Variants in KCNK12 observed in about 807,000 individuals in gnomAD.
KCNK12 encodes the protein potassium channel subfamily K member 12.
In KCNK12, 6 loss-of-function variants were observed where a neutral mutation model predicts 25.3. The ratio of observed to expected loss-of-function variants is 0.24; its 90% CI spans 0.13 to 0.47. The LOEUF (loss-of-function observed/expected upper bound fraction) is 0.47, where lower values mean the gene tolerates loss of function less well. Ranked by LOEUF, KCNK12 falls within the 20% of genes least tolerant of loss-of-function variation. The pLI, the probability that KCNK12 is intolerant of heterozygous loss-of-function variation, is 0.99. For synonymous variants in KCNK12, 331 were observed against 311.1 expected, an observed-to-expected ratio of 1.06 and a Z score of -0.67; for missense variants, 444 against 661.7, an observed-to-expected ratio of 0.67 and a Z score of 3.61.
intron 1 of KCNK12, among the ~76,000 whole-genome samples, chr2:47,527,372 C>T (rs929224200): frequency 1.1e-4 from 17 of 152,212 alleles, no homozygotes; most frequent in African/African-American, 4.1e-4. Context: ...GACTCATAAC[C>T]TCCCCGTGGC....
At position 47,551,725 on chromosome 2, in the gene KCNK12, TA is replaced by T. The variant is rs1669437063; in HGVS notation, c.391+18215del. ...CTCCAGTTCTAGACTCGTTGACACA[TA>T]AAAATATTTTGGTGCTAGTCCTGGG... On this transcript the variant is annotated intron_variant, in intron 1 of 1. Coordinates refer to ENST00000327876, the MANE Select transcript of KCNK12 (RefSeq NM_022055.2). The surrounding 1 kb of genome is among the most constrained non-coding windows in gnomAD (Gnocchi z 5.3). 6.6e-6 allele frequency among the ~76,000 whole-genome samples: 1 copy of T among 152,216 alleles called. No homozygotes were observed. The highest frequency in any genetic ancestry group is 2.1e-4 in the South Asian group (1 of 4,834).
chr2:47,526,510 A>C (rs1227784586), intron 1 of KCNK12, among the ~76,000 whole-genome samples: 2 of 152,000 alleles, frequency 1.3e-5, no homozygotes, highest in Non-Finnish European at 2.9e-5. Flanking sequence ...AGGTGGGTGC[A>C]TCACTTGAGG....
rs1669796735 is a variant in KCNK12, at chr2:47,566,893, T to A, written c.391+3048A>T. The stretch of plus-strand genomic sequence containing the variant: ...CCCCTAACCCTGTGCCACATGAGAT[T>A]GGACCAAAAAGGTCCCCTTCTTGTT... On this transcript the variant is annotated intron_variant, in intron 1 of 1. Coordinates refer to ENST00000327876, the MANE Select transcript of KCNK12 (RefSeq NM_022055.2). The surrounding 1 kb of genome is among the most constrained non-coding windows in gnomAD (Gnocchi z 4.1). 1 of 152,208 alleles carries A rather than the reference T, an allele frequency of 6.6e-6. No homozygotes were observed. Among genetic ancestry groups the A allele is most frequent in the African/African-American group, 2.4e-5 (1 of 41,448 alleles). The allele number at this position is 152,208 out of a possible 1,614,324, so 9.4% of individuals were successfully genotyped here.
intron 1 of KCNK12, among the ~76,000 whole-genome samples, chr2:47,568,364 T>G (rs1397438317): frequency 6.6e-6 from 1 of 152,194 alleles, no homozygotes; most frequent in Admixed American, 6.5e-5. Context: ...AAAGGGGATT[T>G]TTTTTGAGGG....
In KCNK12 at chr2:47,525,146, G is replaced by A. The variant is rs1668741665; in HGVS notation, c.392-3338C>T. Among the ~76,000 whole-genome samples the A allele has an allele frequency of 6.6e-6, 1 of 152,188 alleles. No homozygotes were observed. ...GAGAAGTTCCAGACACATCCATGCT[G>A]GACTTAATAAAACAGCAAAACAGGT... On this transcript the variant is annotated intron_variant, in intron 1 of 1. Coordinates refer to ENST00000327876, the MANE Select transcript of KCNK12 (RefSeq NM_022055.2). The surrounding 1 kb of genome is among the most constrained non-coding windows in gnomAD (Gnocchi z 4.1).
chr2:47,530,977 G>A (rs1668911300), intron 1 of KCNK12, among the ~76,000 whole-genome samples: 1 of 152,310 alleles, frequency 6.6e-6, no homozygotes, highest in African/African-American at 2.4e-5. Flanking sequence ...ACAAGAGTTT[G>A]GAAGAAGGAG....
At chr2:47,553,711 G>GC (rs1336216589) in intron 1 of KCNK12, among the ~76,000 whole-genome samples, 1 of 152,128 alleles carries the variant, frequency 6.6e-6, no homozygotes, top group South Asian at 2.1e-4. Flanking sequence ...GTTTCCTGTT[G>GC]CCCCCATACC....
rs1192475555 is a variant in KCNK12 at position 47,511,991 on chromosome 2, A to G, written c.*8916T>C. ...GGACTGTGCAGTTCTGGAGAATGGT[A>G]CTTTACTTGTCCTTGGGGAAGCAGA... On this transcript the variant is annotated 3_prime_UTR_variant, in exon 2 of 2. Transcript: ENST00000327876. This position sits in a 1 kb window ranked among gnomAD's most constrained non-coding sequence, Gnocchi z 4.3. Among the ~76,000 whole-genome samples, 1 of 152,168 alleles carries G rather than the reference A, an allele frequency of 6.6e-6. No individual in the cohort carries two copies.
intron 1 of KCNK12, among the ~76,000 whole-genome samples, chr2:47,553,871 A>C (rs1669493565): frequency 6.6e-6 from 1 of 152,340 alleles, no homozygotes; most frequent in African/African-American, 2.4e-5. Flanking sequence ...CCTACCCTGC[A>C]ACCTGAGAGG....
At chr2:47,563,204 C>T (rs1187513621) in intron 1 of KCNK12, 2 of 233,472 alleles carry the variant, frequency 8.6e-6, no homozygotes, top group Non-Finnish European at 1.7e-5. Flanking sequence ...TCACAAGTCA[C>T]TCAGCCTGCC....
chr2:47,525,322 G>A lies in KCNK12; in HGVS notation c.392-3514C>T, dbSNP rs982229808. Among the ~76,000 whole-genome samples the A allele has an allele frequency of 6.6e-6, 1 of 152,182 alleles. No homozygotes were observed. Among genetic ancestry groups the A allele is most frequent in the Non-Finnish European group, 1.5e-5 (1 of 68,032 alleles). The stretch of plus-strand genomic sequence containing the variant: ...TTCTTTCACTCACCCCCAGGCCAGG[G>A]GATGGTTGGAGCAGGGAAGGTCAAG... On this transcript the variant is annotated intron_variant, in intron 1 of 1. Coordinates refer to ENST00000327876, the MANE Select transcript of KCNK12 (RefSeq NM_022055.2). The surrounding 1 kb of genome is among the most constrained non-coding windows in gnomAD (Gnocchi z 4.1).
In KCNK12 at chr2:47,569,019, T is replaced by G. The variant is rs1572615309; in HGVS notation, c.391+922A>C. 6.8e-6 allele frequency among the ~76,000 whole-genome samples: 1 copy of G among 146,046 alleles called. No homozygotes were observed. The highest frequency in any genetic ancestry group is 2.6e-5 in the African/African-American group (1 of 38,932). ...AGAGGAAGAAAGAGGAATGAAGGGG[T>G]GGATGGAGAGCAGGGGTGGCTCCAG... On this transcript the variant is annotated intron_variant, in intron 1 of 1. Transcript: ENST00000327876. The surrounding 1 kb of genome is among the most constrained non-coding windows in gnomAD (Gnocchi z 4.1).
At chr2:47,530,874 A>G (rs1386332767) in intron 1 of KCNK12, among the ~76,000 whole-genome samples, 1 of 152,252 alleles carries the variant, frequency 6.6e-6, no homozygotes, top group Non-Finnish European at 1.5e-5. Flanking sequence ...AAGACATTGA[A>G]GTTCAGTAAC....
chr2:47,526,648 G>A (rs1368239825), intron 1 of KCNK12, among the ~76,000 whole-genome samples: 4 of 151,632 alleles, frequency 2.6e-5, no homozygotes, highest in African/African-American at 4.8e-5. Flanking sequence ...CAGGAGAATC[G>A]CTTGAATCCG....
rs543093869 is a variant in KCNK12 at position 47,556,220 on chromosome 2, G to T, written c.391+13721C>A. Among the ~76,000 whole-genome samples the T allele has an allele frequency of 9.8e-5, 15 of 152,318 alleles. No individual in the cohort carries two copies. The highest frequency in any genetic ancestry group is 3.1e-4 in the African/African-American group (13 of 41,548). ...TATAAATTAACAATGCATGGGGAGTGGGTAATGACAGGAACTAAGCCCTGG... is the reference window on the plus strand; with the variant it reads ...TATAAATTAACAATGCATGGGGAGTTGGTAATGACAGGAACTAAGCCCTGG... On this transcript the variant is annotated intron_variant, in intron 1 of 1. Coordinates refer to ENST00000327876, the MANE Select transcript of KCNK12 (RefSeq NM_022055.2). The surrounding 1 kb of genome is among the most constrained non-coding windows in gnomAD (Gnocchi z 4.8).
Position 47,520,564 on chromosome 2 carries a change from C to T in KCNK12, c.*343G>A, listed in dbSNP as rs1247449667. On this transcript the variant is annotated 3_prime_UTR_variant, in exon 2 of 2. Coordinates refer to ENST00000327876, the MANE Select transcript of KCNK12 (RefSeq NM_022055.2). The surrounding 1 kb of genome is among the most constrained non-coding windows in gnomAD (Gnocchi z 5.0). The stretch of plus-strand genomic sequence containing the variant: ...GCACCATATGCTTTGGGGTTGCCGG[C>T]TGCTTCTGTGCATGGGGACGGGGTT... 1.4e-5 allele frequency: 3 copies of T among 221,466 alleles called. No individual in the cohort carries two copies. Among genetic ancestry groups the T allele is most frequent in the Non-Finnish European group, 2.6e-5 (3 of 114,368 alleles). The allele number at this position is 221,466 out of a possible 1,614,324, so 13.7% of individuals were successfully genotyped here. A position where few individuals can be genotyped will look rare whatever the true frequency, so the allele number is the denominator to read the frequency against.
chr2:47,539,656 G>A (rs1397264374), intron 1 of KCNK12, among the ~76,000 whole-genome samples: 1 of 152,172 alleles, frequency 6.6e-6, no homozygotes, highest in Non-Finnish European at 1.5e-5. Flanking sequence ...AGTCCTACTG[G>A]GATTTGGCAA....
In KCNK12 at chr2:47,569,346, C is replaced by G. The variant is rs1470740982; in HGVS notation, c.391+595G>C. 6.6e-6 allele frequency among the ~76,000 whole-genome samples: 1 copy of G among 151,940 alleles called. No homozygotes were observed. Among genetic ancestry groups the G allele is most frequent in the Non-Finnish European group, 1.5e-5 (1 of 67,986 alleles). ...GAGGCAGAACAACAGCAGCTGAAGT[C>G]CTGGCCTCAGGCTAACGGGCTTTAC... On this transcript the variant is annotated intron_variant, in intron 1 of 1. Transcript: ENST00000327876. The surrounding 1 kb of genome is among the most constrained non-coding windows in gnomAD (Gnocchi z 4.1).
rs1015660772 is a variant in KCNK12, at chr2:47,566,023, A to C, written c.391+3918T>G. 6.6e-6 allele frequency: 1 copy of C among 152,250 alleles called. No homozygotes were observed. The highest frequency in any genetic ancestry group is 2.4e-5 in the African/African-American group (1 of 41,466). The allele number at this position is 152,250 out of a possible 1,614,324, so 9.4% of individuals were successfully genotyped here. A position where few individuals can be genotyped will look rare whatever the true frequency, so the allele number is the denominator to read the frequency against. On this transcript the variant is annotated intron_variant, in intron 1 of 1. Transcript: ENST00000327876. The surrounding 1 kb of genome is among the most constrained non-coding windows in gnomAD (Gnocchi z 4.1). ...GTCACATAGCATAAATGGGAGAAAT[A>C]ATAATTACCCAGGATTTCAGTTCAG...
Sources: gnomAD v4.1 joint callset for allele counts (sites outside exome capture counted in the v4.1 genomes callset) on GRCh38, gnomAD v4.1.1 for gene constraint, Gnocchi (gnomAD v3.1) non-coding constraint, MANE v1.5 for transcripts, NCBI Gene and HGNC (gene_info 2026-07-23, HGNC 2026-07-21) for gene names.